Variants in ABCD3 observed in about 807,000 individuals in gnomAD.
ABCD3 encodes ATP-binding cassette sub-family D member 3.
In ABCD3, 41 loss-of-function variants were observed where a neutral mutation model predicts 105.5. The observed-to-expected ratio is 0.39, with a 90% confidence interval of 0.30 to 0.50. The LOEUF (loss-of-function observed/expected upper bound fraction) is 0.50. Ranked by LOEUF, ABCD3 falls within the 20% of genes least tolerant of loss-of-function variation. ABCD3 has a pLI of 0.84. For missense variants in ABCD3, 622 were observed against 806.3 expected (o/e 0.77, Z 2.77); for synonymous variants, 258 against 269.0 (o/e 0.96, Z 0.40).
In ABCD3 at chr1:94,505,371, ATTTTTTTT is replaced by A. The variant is rs71097204; in HGVS notation, c.1741-1151_1741-1144del. 4.7e-3 allele frequency among the ~76,000 whole-genome samples: 560 copies of A among 118,840 alleles called. 5 individuals carry two copies. The highest frequency in any genetic ancestry group is 0.017 in the African/African-American group (548 of 31,546). 78.0% of individuals were successfully genotyped at this position (118,840 alleles called of 152,430 possible). A position where few individuals can be genotyped will look rare whatever the true frequency, so the allele number is the denominator to read the frequency against. Reference sequence around the variant, plus strand: ...AGATGAACACCACCATGCTTGGCTAATTTTTTTTTTTTTTTTTTTTTTTAAGAGATGTG... The same window carrying A: ...AGATGAACACCACCATGCTTGGCTAATTTTTTTTTTTTTTTAAGAGATGTG... On this transcript the variant is annotated intron_variant, in intron 20 of 22. Coordinates refer to ENST00000370214, the MANE Select transcript of ABCD3 (RefSeq NM_002858.4).
intron 2 of ABCD3, among the ~76,000 whole-genome samples, chr1:94,461,582 A>G (rs1346123504): frequency 2.0e-5 from 3 of 151,996 alleles, no homozygotes; most frequent in Admixed American, 6.6e-5. Context: ...CCAGCATACT[A>G]ATTTTTAGGT....
At chr1:94,455,285 A>G (rs1373311125) in intron 1 of ABCD3, among the ~76,000 whole-genome samples, 2 of 152,182 alleles carry the variant, frequency 1.3e-5, no homozygotes, top group Non-Finnish European at 2.9e-5. Context: ...TTCCTGAGAA[A>G]CAAATCTCAT....
At chr1:94,416,628 G>A (rs1200421731), upstream of ABCD3, among the ~76,000 whole-genome samples, 8 of 152,086 alleles carry the variant, frequency 5.3e-5, no homozygotes, top group African/African-American at 1.9e-4. Context: ...ATTTCCCTAG[G>A]CTAGCCATAG....
intron 3 of ABCD3, among the ~76,000 whole-genome samples, chr1:94,466,431 C>G (rs1479695062): frequency 6.6e-6 from 1 of 152,058 alleles, no homozygotes; most frequent in Non-Finnish European, 1.5e-5. Context: ...AAATCCTAAT[C>G]AAAACATGTA....
At chr1:94,468,598 T>A (rs1015024546) in intron 4 of ABCD3, among the ~76,000 whole-genome samples, 14 of 152,344 alleles carry the variant, frequency 9.2e-5, no homozygotes, top group African/African-American at 3.4e-4. Context: ...TATCTGTTAA[T>A]AAAGAATTTA....
At chr1:94,398,164 A>C in the ABCD3 span, among the ~76,000 whole-genome samples, 2 of 152,204 alleles carry the variant, frequency 1.3e-5, no homozygotes, top group Non-Finnish European at 2.9e-5. Context: ...CAGGTATGGC[A>C]AATGAAAGCT....
intron 1 of ABCD3, among the ~76,000 whole-genome samples, chr1:94,433,170 T>TC (rs1659757298): frequency 6.6e-6 from 1 of 150,622 alleles, no homozygotes; most frequent in Non-Finnish European, 1.5e-5. Flanking sequence ...TTTTTTTTTT[T>TC]CCAGACATAG....
the ABCD3 span, among the ~76,000 whole-genome samples, chr1:94,408,976 T>C: frequency 1.3e-5 from 2 of 152,188 alleles, no homozygotes; most frequent in Non-Finnish European, 2.9e-5. Flanking sequence ...CGCTTTCTTT[T>C]CCTTATACTA....
chr1:94,487,105 A>G (rs904835280), intron 10 of ABCD3, among the ~76,000 whole-genome samples: 7 of 152,140 alleles, frequency 4.6e-5, no homozygotes, highest in African/African-American at 1.7e-4. Flanking sequence ...TAGATAAAGC[A>G]CAGACCATGT....
the ABCD3 span, among the ~76,000 whole-genome samples, chr1:94,398,489 AAAAACACTGT>A: frequency 6.6e-6 from 1 of 152,232 alleles, no homozygotes; most frequent in Non-Finnish European, 1.5e-5. Flanking sequence ...AGTTTTCAGT[AAAAACACTGT>A]TTTCCAAAAT....
chr1:94,508,159 G>C (rs1650460551), intron 21 of ABCD3, among the ~76,000 whole-genome samples: 1 of 152,026 alleles, frequency 6.6e-6, no homozygotes, highest in Admixed American at 6.6e-5. Context: ...ATCTTGAATT[G>C]ATTTTTGTAT....
At chr1:94,456,697 C>T (rs1647590323) in intron 1 of ABCD3, among the ~76,000 whole-genome samples, 1 of 151,834 alleles carries the variant, frequency 6.6e-6, no homozygotes, top group South Asian at 2.1e-4. Flanking sequence ...ATGAATAATG[C>T]TGCAGGGAAC....
the ABCD3 span, chr1:94,406,565 G>A: frequency 1.2e-5 from 4 of 339,206 alleles, no homozygotes; most frequent in Non-Finnish European, 2.3e-5. Context: ...GTTTCAGGAA[G>A]CTATCTCAGC....
At chr1:94,449,271 G>A (rs1356683392) in intron 1 of ABCD3, among the ~76,000 whole-genome samples, 1 of 152,200 alleles carries the variant, frequency 6.6e-6, no homozygotes, top group African/African-American at 2.4e-5. Context: ...ACTGTCATGA[G>A]CAATACCCAT....
intron 3 of ABCD3, among the ~76,000 whole-genome samples, chr1:94,466,979 G>C (rs1161878421): frequency 6.6e-6 from 1 of 152,140 alleles, no homozygotes; most frequent in Non-Finnish European, 1.5e-5. Context: ...TGTACTTGGG[G>C]TTGGGGTGGC....
intron 16 of ABCD3, among the ~76,000 whole-genome samples, chr1:94,492,623 A>G (rs1649587568): frequency 6.6e-6 from 1 of 152,190 alleles, no homozygotes; most frequent in African/African-American, 2.4e-5. Flanking sequence ...TTGGCAAAGT[A>G]GGTAGCCAGG....
chr1:94,405,891 C>G, the ABCD3 span, among the ~76,000 whole-genome samples: 1 of 151,946 alleles, frequency 6.6e-6, no homozygotes, highest in Non-Finnish European at 1.5e-5. Flanking sequence ...TGCCTTTTGA[C>G]TTTGCTTATG....
intron 9 of ABCD3, chr1:94,482,833 G>A (rs1470883396): frequency 3.6e-6 from 1 of 280,838 alleles, no homozygotes; most frequent in Non-Finnish European, 6.9e-6. Flanking sequence ...AGTCTGCAAT[G>A]TTGGTCCCAG....
chr1:94,414,929 G>C (rs370936567), upstream of ABCD3, among the ~76,000 whole-genome samples: 51 of 152,290 alleles, frequency 3.3e-4, no homozygotes, highest in African/African-American at 1.2e-3. Flanking sequence ...TGAGCTGTCT[G>C]GTTTGAGATT....
Sources: allele counts gnomAD v4.1 joint callset (sites outside exome capture counted in the v4.1 genomes callset), GRCh38; gene constraint gnomAD v4.1.1; transcripts MANE v1.5; gene names NCBI Gene and HGNC (gene_info 2026-07-23, HGNC 2026-07-21).